KIF1B: variants seen among roughly 807,000 people sequenced by gnomAD.
The protein encoded by KIF1B is kinesin family member 1B, also known as kinesin-like protein KIF1B.
Under a neutral mutation model 241.9 loss-of-function variants are expected in KIF1B, and 76 were observed. That is an observed-to-expected ratio of 0.31 (90% confidence interval 0.26 to 0.38). The LOEUF is 0.38. Ranked by LOEUF, KIF1B falls within the 10% of genes least tolerant of loss-of-function variation. The probability of loss-of-function intolerance (pLI) is 1.00; values close to 1 mark genes in which losing one functional copy is unlikely to be tolerated. For synonymous variants in KIF1B, 750 were observed against 796.7 expected (o/e 0.94, Z 0.99); for missense variants, 1,622 against 2,271.4 (o/e 0.71, Z 5.81).
At chr1:10,220,204 CAAAAA>C (rs36083785) in intron 1 of KIF1B, among the ~76,000 whole-genome samples, 1 of 105,772 alleles carries the variant, frequency 9.5e-6, no homozygotes, top group Non-Finnish European at 2.0e-5. Flanking sequence ...AACTCCGTCT[CAAAAA>C]AAAAAAAAAA....
At chr1:10,228,889 A>G (rs1343021634) in intron 1 of KIF1B, among the ~76,000 whole-genome samples, 4 of 152,202 alleles carry the variant, frequency 2.6e-5, no homozygotes, top group Non-Finnish European at 4.4e-5. Flanking sequence ...AAGGTTTCAA[A>G]GAGTAGTGAC....
At chr1:10,250,341 C>CT (rs36075139) in intron 2 of KIF1B, among the ~76,000 whole-genome samples, 34,819 of 142,936 alleles carry the variant, frequency 0.24, 4,494 homozygotes, top group Non-Finnish European at 0.29. Context: ...TATTTCTTAA[C>CT]TTTTTTTTTT....
At chr1:10,306,048 G>C (rs536804597) in intron 22 of KIF1B, 3 of 1,047,298 alleles carry the variant, frequency 2.9e-6, no homozygotes, top group African/African-American at 3.3e-5. Context: ...TTTCCTTTGC[G>C]TGTGGGCACT....
chr1:10,277,893 C>A (rs1649200656), intron 12 of KIF1B, 93 bp from the exon 13 acceptor site: 1 of 1,122,572 alleles, frequency 8.9e-7, no homozygotes. Context: ...AATGTAAACA[C>A]TCAGGATATT....
rs1298016843 is a variant in KIF1B at position 10,380,594 on chromosome 1, T to G, written c.*4007T>G. 1 of 184,438 alleles carries G rather than the reference T, an allele frequency of 5.4e-6. No individual in the cohort carries two copies. The highest frequency in any genetic ancestry group is 2.3e-5 in the African/African-American group (1 of 42,610). 11.4% of individuals were successfully genotyped at this position (184,438 alleles called of 1,614,324 possible). ...GGTGGCGTGTGCCTGTAGTCCCAGC[T>G]ACTTGGGAGGCTGAGGCAGGAGAAT... On this transcript the variant is annotated 3_prime_UTR_variant, in exon 49 of 49. Transcript: ENST00000676179.
At chr1:10,211,987 C>A (rs1223930473) in intron 1 of KIF1B, among the ~76,000 whole-genome samples, 1 of 152,062 alleles carries the variant, frequency 6.6e-6, no homozygotes, top group Non-Finnish European at 1.5e-5. Context: ...TGATAGTGGG[C>A]GAGGCTAGTG....
intron 14 of KIF1B, among the ~76,000 whole-genome samples, chr1:10,280,828 G>A (rs922180773): frequency 1.3e-5 from 2 of 152,186 alleles, no homozygotes; most frequent in African/African-American, 4.8e-5. Context: ...GGCATTTCCT[G>A]AAAGACCATG....
chr1:10,361,943 G>A (rs113733544), intron 40 of KIF1B, 118 bp downstream of exon 40: 1 of 1,183,172 alleles, frequency 8.5e-7, no homozygotes, highest in Non-Finnish European at 1.2e-6. Flanking sequence ...GAACCATTTT[G>A]GTAACTGACA....
chr1:10,262,555 G>A (rs542600897), intron 5 of KIF1B, among the ~76,000 whole-genome samples: 4 of 152,262 alleles, frequency 2.6e-5, no homozygotes, highest in African/African-American at 9.6e-5. Context: ...TGCCTTTTTG[G>A]AAAGTAATGC....
At chr1:10,243,622 A>T (rs1647168106) in intron 2 of KIF1B, among the ~76,000 whole-genome samples, 1 of 152,204 alleles carries the variant, frequency 6.6e-6, no homozygotes, top group South Asian at 2.1e-4. Context: ...GCCTGGGCTC[A>T]CATATCTATT....
At chr1:10,280,014 C>T (rs989038532) in intron 14 of KIF1B, among the ~76,000 whole-genome samples, 1 of 151,982 alleles carries the variant, frequency 6.6e-6, no homozygotes, top group African/African-American at 2.4e-5. Context: ...TTCCTCTTTT[C>T]ATAAGTCACA....
chr1:10,337,179 G>A lies in KIF1B; in HGVS notation c.3235G>A (p.Glu1079Lys), dbSNP rs1416174322. 1.2e-6 allele frequency: 2 copies of A among 1,614,160 alleles called. No homozygotes were observed. Among genetic ancestry groups the A allele is most frequent in the Non-Finnish European group, 1.7e-6 (2 of 1,180,028 alleles). ...QSSEVITPPE[E>K]ISRINDLDLK... Reference sequence around the variant, plus strand: ...TTCTGAGGTCATCACTCCTCCAGAAGAAATCAGTCGAATTAATGACTTGGG... The same window carrying A: ...TTCTGAGGTCATCACTCCTCCAGAAAAAATCAGTCGAATTAATGACTTGGG... Residue 1079 changes from glutamate to lysine, a missense_variant, in exon 30 of 49, where the codon GAA (glutamate) becomes AAA (lysine). Glu to Lys is a moderately conservative substitution (Grantham distance 56). Transcript: ENST00000676179. This position sits in a 1 kb window ranked among gnomAD's most constrained non-coding sequence, Gnocchi z 4.0.
intron 11 of KIF1B, among the ~76,000 whole-genome samples, 192 bp downstream of exon 11, chr1:10,275,695 A>G (rs1382362278): frequency 2.0e-5 from 3 of 151,894 alleles, no homozygotes; most frequent in African/African-American, 7.3e-5. Flanking sequence ...GCCAGGGTAT[A>G]CTCCCATATC....
Position 10,296,116 on chromosome 1 carries a change from T to G in KIF1B, c.1777+350T>G, listed in dbSNP as rs553841947. 3.8e-4 allele frequency among the ~76,000 whole-genome samples: 58 copies of G among 152,336 alleles called. 2 individuals are homozygous for G. In the South Asian group the frequency reaches 0.012, roughly 30 times the overall value. On this transcript the variant is annotated intron_variant, in intron 19 of 48. Coordinates refer to ENST00000676179, the MANE Select transcript of KIF1B (RefSeq NM_001365951.3). ...GTCAACCCAGCAGAATTTATTTTTA[T>G]CTAAAAGGGAAGAAAAAGTCAGTCT...
intron 2 of KIF1B, among the ~76,000 whole-genome samples, chr1:10,248,190 T>TTTGTTG (rs59554084): frequency 6.6e-6 from 1 of 150,942 alleles, no homozygotes; most frequent in Non-Finnish European, 1.5e-5. Context: ...TTGGGTCAAT[T>TTTGTTG]TTGTTGTTGT....
At position 10,371,866 on chromosome 1, in the gene KIF1B, A is replaced by C. The variant is rs1404596313; in HGVS notation, c.4946+604A>C. Among the ~76,000 whole-genome samples, 5 of 152,108 alleles carry C rather than the reference A, an allele frequency of 3.3e-5. No individual in the cohort carries two copies. The East Asian group carries it at 9.7e-4, about 30-fold the overall frequency. On this transcript the variant is annotated intron_variant, in intron 45 of 48. Coordinates refer to ENST00000676179, the MANE Select transcript of KIF1B (RefSeq NM_001365951.3). ...GAGGATCGCTTGAATCCAGGAGTTC[A>C]AGGTTGCAGTGAGGTTTTATTATTG...
chr1:10,292,297 C>T (rs1650038239), intron 17 of KIF1B, 175 bp downstream of exon 17: 1 of 611,512 alleles, frequency 1.6e-6, no homozygotes, highest in Admixed American at 2.8e-5. Flanking sequence ...ACAAAGGCAG[C>T]CTATTTCTAA....
intron 2 of KIF1B, among the ~76,000 whole-genome samples, chr1:10,238,314 G>C (rs1647084573): frequency 1.3e-5 from 2 of 150,168 alleles, no homozygotes; most frequent in South Asian, 4.2e-4. Context: ...CTGGGAGACG[G>C]AGGTTGCAGT....
intron 27 of KIF1B, among the ~76,000 whole-genome samples, chr1:10,331,326 G>A (rs1651914053): frequency 6.6e-6 from 1 of 152,204 alleles, no homozygotes; most frequent in Non-Finnish European, 1.5e-5. Context: ...TTCTGTTGCA[G>A]TAGTTGTTGT....
Sources: gnomAD v4.1 joint callset for allele counts (sites outside exome capture counted in the v4.1 genomes callset) on GRCh38, gnomAD v4.1.1 for gene constraint, Gnocchi (gnomAD v3.1) non-coding constraint, MANE v1.5 for transcripts, NCBI Gene and HGNC (gene_info 2026-07-23, HGNC 2026-07-21) for gene names.